Variants in FBXO5 observed in about 807,000 individuals in gnomAD.
The protein encoded by FBXO5 is F-box protein 5, also known as F-box only protein 5.
FBXO5 carries 8 observed loss-of-function variants against 43.3 expected under a neutral mutation model. The observed-to-expected ratio is 0.18, with a 90% CI of 0.11 to 0.33. The LOEUF is 0.33. FBXO5 is among the 10% of genes least tolerant of loss of function. The pLI, the probability that FBXO5 is intolerant of heterozygous loss-of-function variation, is 1.00. For synonymous variants in FBXO5, 204 were observed against 193.7 expected (o/e 1.05, Z -0.44); for missense variants, 491 against 535.7 (o/e 0.92, Z 0.82).
At chr6:152,973,197 A>G (rs1778113938) in intron 2 of FBXO5, 61 bp from the exon 3 acceptor site, 7 of 1,338,930 alleles carry the variant, frequency 5.2e-6, no homozygotes, top group Non-Finnish European at 7.5e-6. Flanking sequence ...TAAGATGAAT[A>G]CAGTAGAAAA....
chr6:152,971,049 ATAC>A lies in FBXO5; in HGVS notation c.*111_*113del. On this transcript the variant is annotated 3_prime_UTR_variant, in exon 5 of 5. Coordinates refer to ENST00000229758, the MANE Select transcript of FBXO5 (RefSeq NM_012177.5). ...CTTCTGGGGGGAAAAAAACCTCAGG[ATAC>A]TACACCGATTTCAACATAAAATTGA... The A allele has an allele frequency of 9.3e-7, 1 of 1,073,452 alleles. No individual in the cohort carries two copies. The highest frequency in any genetic ancestry group is 1.3e-6 in the Non-Finnish European group (1 of 767,990). The allele number at this position is 1,073,452 out of a possible 1,614,324, so 66.5% of individuals were successfully genotyped here.
At chr6:152,973,160 T>A (rs1778113661) in intron 2 of FBXO5, 24 bp from the exon 3 acceptor site, 2 of 1,573,608 alleles carry the variant, frequency 1.3e-6, no homozygotes, top group South Asian at 2.2e-5. Flanking sequence ...TCACCATAAA[T>A]GAAATAATTA....
chr6:152,975,739 T>A (rs1778160575), intron 1 of FBXO5, 118 bp from the exon 2 acceptor site: 1 of 629,852 alleles, frequency 1.6e-6, no homozygotes. Flanking sequence ...ATTGTCTACA[T>A]GTACTTGCTT....
intron 1 of FBXO5, among the ~76,000 whole-genome samples, chr6:152,981,942 C>T (rs1390210200): frequency 1.3e-5 from 2 of 152,172 alleles, no homozygotes; most frequent in Admixed American, 6.5e-5. Flanking sequence ...ATTCCATTCT[C>T]TGCAAGCTTT....
chr6:152,972,025 T>C (rs1778093807), intron 4 of FBXO5, among the ~76,000 whole-genome samples: 1 of 152,176 alleles, frequency 6.6e-6, no homozygotes, highest in African/African-American at 2.4e-5. Flanking sequence ...TCTACGTACT[T>C]TCCTAATTTC....
chr6:152,981,463 A>G (rs1485258877), intron 1 of FBXO5, among the ~76,000 whole-genome samples: 1 of 152,206 alleles, frequency 6.6e-6, no homozygotes, highest in Non-Finnish European at 1.5e-5. Context: ...AGAATTTAAG[A>G]GGCCCAATGC....
At position 152,975,359 on chromosome 6, in the gene FBXO5, A is replaced by G; in HGVS notation, c.366T>C (p.His122=). The G allele has an allele frequency of 6.2e-7, 1 of 1,614,098 alleles. No individual in the cohort carries two copies. ...TTGTACTATTAAGTGTCTGTTGCACATGTTGATTTTCCTTGTTATGCAAGC... is the reference window on the plus strand; with the variant it reads ...TTGTACTATTAAGTGTCTGTTGCACGTGTTGATTTTCCTTGTTATGCAAGC... The part of the protein sequence containing the change: ...SKRLHNKENQ[H]VQQTLNSTNE... The change falls in exon 2 of 5, where the codon CAT becomes CAC. Residue 122 remains histidine, a synonymous_variant. Transcript: ENST00000229758.
Position 152,975,559 on chromosome 6 carries a change from C to T in FBXO5, c.166G>A (p.Val56Ile). 1 of 1,611,906 alleles carries T rather than the reference C, an allele frequency of 6.2e-7. No homozygotes were observed. The highest frequency in any genetic ancestry group is 1.1e-5 in the South Asian group (1 of 90,498). ...TTTACCAGTTTAAGTCCGGAATGAA[C>T]ATGGTTACAATTAAAATCACACTTC... is the stretch of plus-strand genomic sequence containing the variant. ...KMKCDFNCNHVHSGLKLVKPD... is the reference protein window; with the variant it reads ...KMKCDFNCNHIHSGLKLVKPD... Residue 56 changes from valine (V) to isoleucine (I), a missense_variant, in exon 2 of 5, where the codon GTT becomes ATT. Transcript: ENST00000229758.
chr6:152,972,888 A>C, intron 3 of FBXO5, 158 bp downstream of exon 3: 1 of 469,432 alleles, frequency 2.1e-6, no homozygotes, highest in Non-Finnish European at 3.7e-6. Context: ...TTGAGTTGAG[A>C]TTTCTTTATT....
chr6:152,973,839 GGCGAGACTC>G (rs1425517492), intron 2 of FBXO5: 1 of 151,090 alleles, frequency 6.6e-6, no homozygotes, highest in Non-Finnish European at 1.5e-5. Flanking sequence ...CTGGTGACAG[GGCGAGACTC>G]CGTCCCCAAA....
chr6:152,983,069 T>A (rs904371460), upstream of FBXO5: 4 of 590,894 alleles, frequency 6.8e-6, no homozygotes, highest in African/African-American at 5.8e-5. Flanking sequence ...CTGGTACTTT[T>A]AAAATCTTTG....
At chr6:152,976,904 T>C (rs539540162) in intron 1 of FBXO5, among the ~76,000 whole-genome samples, 2 of 152,312 alleles carry the variant, frequency 1.3e-5, no homozygotes, top group African/African-American at 4.8e-5. Flanking sequence ...TTAAGCAGCC[T>C]TTACCCATTA....
At chr6:152,972,482 T>C (rs1341732502) in intron 3 of FBXO5, 28 bp from the exon 4 acceptor site, 10 of 1,481,360 alleles carry the variant, frequency 6.8e-6, no homozygotes, top group Non-Finnish European at 9.2e-6. Context: ...TTTAATAGAA[T>C]TTAGAAATTA....
chr6:152,978,217 G>A (rs1213130945), intron 1 of FBXO5, among the ~76,000 whole-genome samples: 3 of 152,032 alleles, frequency 2.0e-5, no homozygotes, highest in African/African-American at 2.4e-5. Context: ...AAATGTGTAC[G>A]TTTCTTTTCT....
chr6:152,976,498 AG>A (rs543817899), intron 1 of FBXO5, among the ~76,000 whole-genome samples: 23 of 152,216 alleles, frequency 1.5e-4, no homozygotes, highest in Non-Finnish European at 2.5e-4. Flanking sequence ...CACTGAACAA[AG>A]ACATTCCACG....
chr6:152,983,152 G>C, upstream of FBXO5: 1 of 406,968 alleles, frequency 2.5e-6, no homozygotes, highest in Non-Finnish European at 4.3e-6. Flanking sequence ...GAGGGCAGTG[G>C]GTGGGGGCGC....
At chr6:152,972,811 G>T in intron 3 of FBXO5, 1 of 494,980 alleles carries the variant, frequency 2.0e-6, no homozygotes, top group Non-Finnish European at 3.6e-6. Flanking sequence ...CTCTATCTGA[G>T]AAATGAGTAA....
At position 152,982,986 on chromosome 6, in the gene FBXO5, G is replaced by A. The variant is rs1056775357; in HGVS notation, c.-27C>T. The A allele has an allele frequency of 6.6e-6, 9 of 1,353,434 alleles. No homozygotes were observed. Among genetic ancestry groups the A allele is most frequent in the Admixed American group, 7.5e-5 (2 of 26,838 alleles). 83.8% of individuals were successfully genotyped at this position (1,353,434 alleles called of 1,614,324 possible). ...CCAGCCGACGTGGAGTCTGCCTCAG[G>A]TGGAGGAACCGCTCCGGGGGCAGCT... On this transcript the variant is annotated 5_prime_UTR_variant, in exon 1 of 5. Coordinates refer to ENST00000229758, the MANE Select transcript of FBXO5 (RefSeq NM_012177.5).
chr6:152,971,283 C>G lies in FBXO5; in HGVS notation c.1224G>C (p.Lys408Asn), dbSNP rs113611339. The part of the protein sequence containing the change: ...REGCGFDYCT[K>N]CLCNYHTTKD... ...TAGTAGTATGATAATTACAGAGACA[C>G]TTCGTACAATAATCAAATCCACAGC... Residue 408 changes from lysine to asparagine, a missense_variant, in exon 5 of 5, where the codon AAG (lysine) becomes AAC (asparagine). Transcript: ENST00000229758. The G allele has an allele frequency of 3.1e-6, 5 of 1,614,022 alleles. No individual in the cohort carries two copies.
Sources: gnomAD v4.1 joint callset for allele counts (sites outside exome capture counted in the v4.1 genomes callset) on GRCh38, gnomAD v4.1.1 for gene constraint, MANE v1.5 for transcripts, NCBI Gene and HGNC (gene_info 2026-07-23, HGNC 2026-07-21) for gene names.